The following CFAP61 variants were observed in gnomAD, a reference collection of about 807,000 sequenced individuals.
CFAP61 encodes cilia- and flagella-associated protein 61.
In CFAP61, 107 loss-of-function variants were observed where a neutral mutation model predicts 135.6. That is an observed-to-expected ratio of 0.79 (90% confidence interval 0.67 to 0.93). CFAP61 has a LOEUF of 0.93. Ranked by LOEUF, CFAP61 falls within the 40% of genes least tolerant of loss-of-function variation. The pLI is 0.00. For synonymous variants in CFAP61, 575 were observed against 578.5 expected (o/e 0.99, Z 0.09); for missense variants, 1,507 against 1,556.2 (o/e 0.97, Z 0.53).
rs1167835465 is a variant in CFAP61, at chr20:20,263,006, G to A, written c.2379G>A (p.Glu793=). The A allele has an allele frequency of 3.7e-6, 6 of 1,613,564 alleles. No individual in the cohort carries two copies. The Admixed American group carries it at 1.0e-4, about 27-fold the overall frequency. The part of the protein sequence containing the change: ...ADISQHLTNR[E]VPNSSQRRYT... ...TTAGTCAACACCTGACAAACAGGGA[G>A]GTTCCCAACAGCAGTCAGCGGCGGT... The change falls in exon 21 of 27, where the codon GAG becomes GAA. Residue 793 remains glutamate, a synonymous_variant. Transcript: ENST00000245957.
intron 8 of CFAP61, among the ~76,000 whole-genome samples, chr20:20,128,555 G>T (rs1216336134): frequency 1.3e-5 from 2 of 151,660 alleles, no homozygotes; most frequent in African/African-American, 4.9e-5. Context: ...GGGTTCTGCA[G>T]GAGGCAGTCT....
At chr20:20,106,866 C>T (rs752937109) in intron 8 of CFAP61, among the ~76,000 whole-genome samples, 2 of 152,038 alleles carry the variant, frequency 1.3e-5, no homozygotes, top group Admixed American at 6.6e-5. Flanking sequence ...AAAAAAAATC[C>T]GTGTTTAAAA....
intron 25 of CFAP61, among the ~76,000 whole-genome samples, chr20:20,327,799 AAAAAAAC>A (rs2057816199): frequency 3.7e-5 from 2 of 53,732 alleles, no homozygotes; most frequent in Admixed American, 2.3e-4. Context: ...AAAAAAAAAA[AAAAAAAC>A]AGAAGAAACA....
At position 20,056,775 on chromosome 20, in the gene CFAP61, A is replaced by G. The variant is rs780810582; in HGVS notation, c.122A>G (p.Lys41Arg). 6.2e-7 allele frequency: 1 copy of G among 1,614,098 alleles called. No individual in the cohort carries two copies. The highest frequency in any genetic ancestry group is 8.5e-7 in the Non-Finnish European group (1 of 1,179,960). ...IRKFTCKLFGKLNIIYLLEKA... is the reference protein window; with the variant it reads ...IRKFTCKLFGRLNIIYLLEKA... ...AAATTTACCTGCAAGCTGTTTGGGA[A>G]GCTAAATATCATCTATCTTCTGTAA... Residue 41 changes from lysine to arginine, a missense_variant, in exon 2 of 27, where the codon AAG becomes AGG. Physicochemically the swap from Lys to Arg is conservative, Grantham distance 26 (BLOSUM62 2). Transcript: ENST00000245957.
At chr20:20,073,130 G>A (rs115866198) in intron 3 of CFAP61, among the ~76,000 whole-genome samples, 1,529 of 152,292 alleles carry the variant, frequency 0.01, 33 homozygotes, top group African/African-American at 0.035. Context: ...AGAGAATTTG[G>A]GAGACAAATC....
chr20:20,121,723 G>A (rs1428527411), intron 8 of CFAP61, among the ~76,000 whole-genome samples: 1 of 151,972 alleles, frequency 6.6e-6, no homozygotes, highest in Non-Finnish European at 1.5e-5. Flanking sequence ...TGAACTTCTG[G>A]CCTCAAGTGA....
At chr20:20,166,251 C>A (rs542470202) in intron 11 of CFAP61, 146 bp from the exon 12 acceptor site, 2 of 642,618 alleles carry the variant, frequency 3.1e-6, no homozygotes, top group Non-Finnish European at 5.5e-6. Context: ...GACTTATGCA[C>A]CCCATTAGTG....
intron 8 of CFAP61, among the ~76,000 whole-genome samples, chr20:20,133,648 G>C (rs1177928839): frequency 6.6e-6 from 1 of 152,104 alleles, no homozygotes; most frequent in Non-Finnish European, 1.5e-5. Flanking sequence ...CTTTTGTCAT[G>C]GTCTTCTTTT....
rs773211739 is a variant in CFAP61 at position 20,159,355 on chromosome 20, T to C, written c.952-15T>C. The C allele has an allele frequency of 6.2e-7, 1 of 1,613,082 alleles. No individual in the cohort carries two copies. Among genetic ancestry groups the C allele is most frequent in the African/African-American group, 1.3e-5 (1 of 74,924 alleles). ...GTGTCGATTAATTTTCATGTTTTGC[T>C]GTCATCATTTCCAGGGAAATATTGC... On this transcript the variant is annotated splice_polypyrimidine_tract_variant and intron_variant, in intron 9 of 26. Transcript: ENST00000245957.
chr20:20,308,112 G>A (rs1188142886), intron 25 of CFAP61, among the ~76,000 whole-genome samples: 2 of 152,206 alleles, frequency 1.3e-5, no homozygotes, highest in African/African-American at 4.8e-5. Flanking sequence ...CACGTGACAA[G>A]TGGCGACCAT....
intron 9 of CFAP61, among the ~76,000 whole-genome samples, chr20:20,144,877 C>A (rs1257422324): frequency 6.6e-6 from 1 of 152,044 alleles, no homozygotes; most frequent in Non-Finnish European, 1.5e-5. Context: ...AGGATCACAT[C>A]TTTAAAGAAA....
intron 22 of CFAP61, among the ~76,000 whole-genome samples, chr20:20,286,969 A>C (rs1013154806): frequency 3.3e-5 from 5 of 152,246 alleles, no homozygotes; most frequent in African/African-American, 1.2e-4. Flanking sequence ...AAACATTTTC[A>C]AGGGCTCAAG....
At chr20:20,095,743 G>A (rs2047519088) in intron 7 of CFAP61, 1 of 152,334 alleles carries the variant, frequency 6.6e-6, no homozygotes, top group Non-Finnish European at 1.5e-5. Flanking sequence ...CTGCAGGCAG[G>A]GAAAGCCTGC....
intron 12 of CFAP61, among the ~76,000 whole-genome samples, chr20:20,167,044 T>C (rs571781652): frequency 1.3e-5 from 2 of 152,348 alleles, no homozygotes; most frequent in East Asian, 3.9e-4. Context: ...ACTTCTTTAT[T>C]GAAGGAAAGA....
At chr20:20,073,365 G>A (rs754367491) in intron 3 of CFAP61, among the ~76,000 whole-genome samples, 3 of 152,192 alleles carry the variant, frequency 2.0e-5, no homozygotes, top group Admixed American at 6.5e-5. Flanking sequence ...TTTAGTCACC[G>A]TACAATTCTT....
At position 20,199,786 on chromosome 20, in the gene CFAP61, C is replaced by A. The variant is rs116462303; in HGVS notation, c.1816C>A (p.His606Asn). The A allele has an allele frequency of 9.3e-6, 15 of 1,614,034 alleles. No individual in the cohort carries two copies. The East Asian group carries it at 2.9e-4, about 31-fold the overall frequency. ...REGKFQNPYA[H>N]SLTSALHYLV... ...CTTTCAGTTCCAGAACCCCTACGCCCACTCCCTGACATCTGCCCTTCATTA... is the reference window on the plus strand; with the variant it reads ...CTTTCAGTTCCAGAACCCCTACGCCAACTCCCTGACATCTGCCCTTCATTA... The change falls in exon 17 of 27, where the codon CAC becomes AAC. Residue 606 changes from histidine (H) to asparagine (N), a missense_variant. By Grantham distance (68) the His-to-Asn change is moderately conservative. Transcript: ENST00000245957.
intron 8 of CFAP61, among the ~76,000 whole-genome samples, chr20:20,124,951 GT>G (rs1393425279): frequency 2.0e-5 from 3 of 151,656 alleles, no homozygotes; most frequent in African/African-American, 7.3e-5. Flanking sequence ...AGCTAGGAGG[GT>G]TTTATCTTTC....
chr20:20,299,524 A>C lies in CFAP61; in HGVS notation c.3422+1138A>C, dbSNP rs536271474. The stretch of plus-strand genomic sequence containing the variant: ...GAAAGCCTCATTCACCAAAATGGGC[A>C]TTGGGCTGGATTTGCCCCCAGTCAT... On this transcript the variant is annotated intron_variant, in intron 25 of 26. Transcript: ENST00000245957. Among the ~76,000 whole-genome samples the C allele has an allele frequency of 1.4e-4, 21 of 152,382 alleles. No individual in the cohort carries two copies. In the South Asian group the frequency reaches 4.1e-3, roughly 30 times the overall value.
intron 1 of CFAP61, among the ~76,000 whole-genome samples, chr20:20,056,320 G>A (rs926078153): frequency 1.3e-5 from 2 of 152,212 alleles, no homozygotes; most frequent in Non-Finnish European, 2.9e-5. Flanking sequence ...CCCTGAATCC[G>A]TAAATAATTC....
Sources: gnomAD v4.1 joint callset for allele counts (sites outside exome capture counted in the v4.1 genomes callset) on GRCh38, gnomAD v4.1.1 for gene constraint, MANE v1.5 for transcripts, NCBI Gene and HGNC (gene_info 2026-07-23, HGNC 2026-07-21) for gene names.